CNBD1: variants seen among roughly 807,000 people sequenced by gnomAD.
CNBD1 encodes the protein cyclic nucleotide binding domain containing 1.
CNBD1 carries 71 observed loss-of-function variants against 54.4 expected under a neutral mutation model. That is an observed-to-expected ratio of 1.30 (90% CI 1.08 to 1.59). CNBD1 has a LOEUF of 1.59. Among genes scored for constraint, CNBD1 ranks in the 40% most tolerant of loss-of-function variants. The pLI, the probability that CNBD1 is intolerant of heterozygous loss-of-function variation, is 0.00. For synonymous variants in CNBD1, 182 were observed against 170.7 expected, an observed-to-expected ratio of 1.07 and a Z score of -0.51; for missense variants, 659 against 518.0, an observed-to-expected ratio of 1.27 and a Z score of -2.64.
At chr8:87,341,485 G>A (rs779871511) in intron 8 of CNBD1, among the ~76,000 whole-genome samples, 5 of 152,154 alleles carry the variant, frequency 3.3e-5, no homozygotes, top group Non-Finnish European at 7.3e-5. Flanking sequence ...AGAGGGTAGT[G>A]TAAACTCTTC....
chr8:87,122,144 C>T (rs1290158339), intron 4 of CNBD1, among the ~76,000 whole-genome samples: 2 of 151,712 alleles, frequency 1.3e-5, no homozygotes, highest in African/African-American at 4.8e-5. Flanking sequence ...AACCTCCATA[C>T]CATTTTTCAT....
At chr8:87,293,531 A>G (rs1808822899) in intron 8 of CNBD1, among the ~76,000 whole-genome samples, 1 of 152,210 alleles carries the variant, frequency 6.6e-6, no homozygotes, top group Non-Finnish European at 1.5e-5. Flanking sequence ...TGACAGAGCA[A>G]GACTCCATCT....
chr8:87,132,806 T>TAC lies in CNBD1; in HGVS notation c.432-73185_432-73184dup, dbSNP rs1554558462. ...TTGCATATATATATGTGTATATATA[T>TAC]ACATATATATATACACACACATATA... is the stretch of plus-strand genomic sequence containing the variant. On this transcript the variant is annotated intron_variant, in intron 4 of 10. Coordinates refer to ENST00000518476, the MANE Select transcript of CNBD1 (RefSeq NM_173538.3). Among the ~76,000 whole-genome samples the TAC allele has an allele frequency of 1.0e-4, 14 of 135,140 alleles. No homozygotes were observed. The South Asian group carries it at 2.1e-3, about 20-fold the overall frequency. The allele number at this position is 135,140 out of a possible 152,430, so 88.7% of individuals were successfully genotyped here. A position where few individuals can be genotyped will look rare whatever the true frequency, so the allele number is the denominator to read the frequency against.
intron 2 of CNBD1, among the ~76,000 whole-genome samples, chr8:87,393,278 A>G (rs1811346226): frequency 6.6e-6 from 1 of 151,916 alleles, no homozygotes; most frequent in Admixed American, 6.6e-5. Flanking sequence ...AGCATAGGTC[A>G]TACTGTGACT....
At chr8:87,132,784 C>CAT (rs139202654) in intron 4 of CNBD1, among the ~76,000 whole-genome samples, 8 of 144,600 alleles carry the variant, frequency 5.5e-5, no homozygotes, top group African/African-American at 1.6e-4. Context: ...ATTCAATTTG[C>CAT]ATATATATAT....
intron 2 of CNBD1, among the ~76,000 whole-genome samples, chr8:87,424,928 T>A (rs1808018280): frequency 6.6e-6 from 1 of 152,276 alleles, no homozygotes; most frequent in South Asian, 2.1e-4. Flanking sequence ...TCCAACTTGG[T>A]TCCATTCTCC....
Position 87,296,033 on chromosome 8 carries a change from TATTG to T in CNBD1, c.1042+9367_1042+9370del, listed in dbSNP as rs148777269. 8.5e-4 allele frequency among the ~76,000 whole-genome samples: 129 copies of T among 152,320 alleles called. 1 individual carries two copies. Among genetic ancestry groups the T allele is most frequent in the African/African-American group, 3.1e-3 (127 of 41,586 alleles). ...AACAATGATTATTGCTGCTTGGTGC[TATTG>T]ATTGTCTTTTTTCCTGTTTTTCTGT... is the stretch of plus-strand genomic sequence containing the variant. On this transcript the variant is annotated intron_variant, in intron 8 of 10. Coordinates refer to ENST00000518476, the MANE Select transcript of CNBD1 (RefSeq NM_173538.3).
intron 4 of CNBD1, among the ~76,000 whole-genome samples, chr8:86,976,184 G>T (rs1203706582): frequency 3.4e-5 from 3 of 88,614 alleles, no homozygotes; most frequent in Non-Finnish European, 6.3e-5. Flanking sequence ...GTTGTGCATT[G>T]ACCTTTTTTT....
chr8:86,943,274 G>A (rs1273658020), intron 4 of CNBD1, among the ~76,000 whole-genome samples: 7 of 150,332 alleles, frequency 4.7e-5, no homozygotes, highest in Admixed American at 1.3e-4. Flanking sequence ...CCAGCTACTC[G>A]GGAGGCTGAG....
chr8:87,392,640 G>A (rs562607706), intron 2 of CNBD1, among the ~76,000 whole-genome samples: 36 of 152,070 alleles, frequency 2.4e-4, no homozygotes, highest in Non-Finnish European at 1.5e-5. Flanking sequence ...CTGTTGCTAG[G>A]CATGAGGAAG....
intron 4 of CNBD1, among the ~76,000 whole-genome samples, chr8:87,090,354 T>C (rs1435659816): frequency 2.0e-5 from 3 of 152,182 alleles, no homozygotes; most frequent in African/African-American, 4.8e-5. Context: ...TAAGAGTATA[T>C]AATGATAGAT....
chr8:87,388,156 G>T (rs888142159), intron 2 of CNBD1, among the ~76,000 whole-genome samples: 2 of 152,122 alleles, frequency 1.3e-5, no homozygotes, highest in East Asian at 3.9e-4. Context: ...AAGAAGGAAA[G>T]ATCTAAAATT....
intron 6 of CNBD1, among the ~76,000 whole-genome samples, chr8:87,262,221 A>G (rs1808157559): frequency 6.6e-6 from 1 of 152,198 alleles, no homozygotes; most frequent in Admixed American, 6.6e-5. Context: ...TTTTTATTAG[A>G]TGTCGAAATA....
At chr8:87,034,742 C>T (rs1202466345) in intron 4 of CNBD1, among the ~76,000 whole-genome samples, 1 of 152,050 alleles carries the variant, frequency 6.6e-6, no homozygotes, top group Non-Finnish European at 1.5e-5. Context: ...CTACATAGTT[C>T]ATCTGCTTTT....
intron 6 of CNBD1, among the ~76,000 whole-genome samples, chr8:87,279,357 C>A (rs1301659600): frequency 6.6e-6 from 1 of 151,002 alleles, no homozygotes; most frequent in Non-Finnish European, 1.5e-5. Flanking sequence ...GGAAATGACA[C>A]AAAGAAATAG....
intron 4 of CNBD1, among the ~76,000 whole-genome samples, chr8:87,120,277 A>G (rs1388942249): frequency 1.3e-5 from 2 of 151,944 alleles, no homozygotes; most frequent in South Asian, 2.1e-4. Context: ...CAGGTTTTCT[A>G]TTACTTCCTG....
chr8:87,383,597 C>A (rs142473439), downstream of CNBD1, among the ~76,000 whole-genome samples: 31 of 152,056 alleles, frequency 2.0e-4, no homozygotes, highest in East Asian at 5.8e-3. Context: ...ATTTTTAATT[C>A]TTACACTATT....
chr8:87,276,109 C>A (rs1563534534), intron 6 of CNBD1, among the ~76,000 whole-genome samples: 2 of 151,996 alleles, frequency 1.3e-5, no homozygotes, highest in South Asian at 4.2e-4. Context: ...ACTCTCATTA[C>A]TATCTAATAC....
chr8:87,046,901 C>T (rs1205427102), intron 4 of CNBD1, among the ~76,000 whole-genome samples: 1 of 152,100 alleles, frequency 6.6e-6, no homozygotes, highest in Non-Finnish European at 1.5e-5. Context: ...TTACAGGGGT[C>T]TGGGATTCCC....
Sources: allele counts gnomAD v4.1 joint callset (sites outside exome capture counted in the v4.1 genomes callset), GRCh38; gene constraint gnomAD v4.1.1; transcripts MANE v1.5; gene names NCBI Gene and HGNC (gene_info 2026-07-23, HGNC 2026-07-21).